Variants in EPM2A observed in about 807,000 individuals in gnomAD.
The protein encoded by EPM2A is laforin.
Under a neutral mutation model 26.5 loss-of-function variants are expected in EPM2A, and 21 were observed. The ratio of observed to expected loss-of-function variants is 0.79; its 90% CI spans 0.56 to 1.14. EPM2A has a LOEUF of 1.14. Ranked by LOEUF, EPM2A falls within the 50% of genes most tolerant of loss-of-function variation. EPM2A has a pLI of 0.00. For synonymous variants in EPM2A, 217 were observed against 177.6 expected (o/e 1.22, Z -1.76); for missense variants, 458 against 440.8 (o/e 1.04, Z -0.35).
chr6:145,473,548 C>T (rs1377059574), intron 4 of EPM2A, among the ~76,000 whole-genome samples: 7 of 151,876 alleles, frequency 4.6e-5, no homozygotes, highest in Non-Finnish European at 1.0e-4. Flanking sequence ...AATATCAATA[C>T]CCAAGTACAA....
chr6:145,590,496 C>G (rs1269857783), intron 2 of EPM2A, among the ~76,000 whole-genome samples: 1 of 151,888 alleles, frequency 6.6e-6, no homozygotes, highest in Non-Finnish European at 1.5e-5. Flanking sequence ...CCCACAGGCC[C>G]AATAAAAGAC....
chr6:145,545,991 A>G (rs1248106243), intron 2 of EPM2A, among the ~76,000 whole-genome samples: 1 of 152,116 alleles, frequency 6.6e-6, no homozygotes, highest in Non-Finnish European at 1.5e-5. Flanking sequence ...TGCTCTTATC[A>G]CATGTGCTAG....
chr6:145,458,685 T>C (rs1285955707), intron 4 of EPM2A, among the ~76,000 whole-genome samples: 1 of 152,026 alleles, frequency 6.6e-6, no homozygotes, highest in Non-Finnish European at 1.5e-5. Context: ...CATTGACCTG[T>C]CCAACCTAGT....
At chr6:145,635,700 A>C in intron 2 of EPM2A, 1 of 548,064 alleles carries the variant, frequency 1.8e-6, no homozygotes. Flanking sequence ...ATTAACTAGA[A>C]CGCCAGGAAA....
intron 2 of EPM2A, among the ~76,000 whole-genome samples, chr6:145,618,177 G>A (rs1326044043): frequency 6.6e-6 from 1 of 152,152 alleles, no homozygotes; most frequent in Non-Finnish European, 1.5e-5. Flanking sequence ...ATGCCTCAGA[G>A]AGGGTGTCTT....
chr6:145,690,764 A>C (rs913025676), intron 1 of EPM2A, among the ~76,000 whole-genome samples: 12 of 152,124 alleles, frequency 7.9e-5, no homozygotes, highest in Admixed American at 3.3e-4. Context: ...ACAAATGAAG[A>C]ATCGGAATGT....
intron 2 of EPM2A, among the ~76,000 whole-genome samples, chr6:145,645,872 T>C (rs1350688523): frequency 6.6e-6 from 1 of 152,052 alleles, no homozygotes; most frequent in Admixed American, 6.6e-5. Flanking sequence ...AGGATTATAA[T>C]AGGCGTGAGC....
intron 2 of EPM2A, among the ~76,000 whole-genome samples, chr6:145,656,083 C>G (rs1192393934): frequency 6.6e-6 from 1 of 152,160 alleles, no homozygotes; most frequent in African/African-American, 2.4e-5. Context: ...GAAGTTATAT[C>G]TTTAGTTTTC....
At chr6:145,618,836 G>C (rs1005725401) in intron 2 of EPM2A, among the ~76,000 whole-genome samples, 5 of 152,160 alleles carry the variant, frequency 3.3e-5, no homozygotes, top group African/African-American at 1.2e-4. Flanking sequence ...AGCCATTGAG[G>C]AATATTGAGC....
chr6:145,730,576 C>A (rs954616497), intron 1 of EPM2A, among the ~76,000 whole-genome samples: 2 of 152,144 alleles, frequency 1.3e-5, no homozygotes, highest in Non-Finnish European at 2.9e-5. Flanking sequence ...CTGAGAAAAG[C>A]AAATCTGAGA....
chr6:145,541,388 C>T (rs1780510184), intron 2 of EPM2A, among the ~76,000 whole-genome samples: 1 of 150,782 alleles, frequency 6.6e-6, no homozygotes, highest in African/African-American at 2.4e-5. Context: ...TGGAATAAAT[C>T]ATTAATGGTA....
chr6:145,501,986 C>T, intron 3 of EPM2A: 1 of 396,196 alleles, frequency 2.5e-6, no homozygotes, highest in Non-Finnish European at 5.1e-6. Context: ...AAGGAAGAGT[C>T]TCGAATTGAA....
intron 1 of EPM2A, among the ~76,000 whole-genome samples, chr6:145,707,566 G>A (rs1782291556): frequency 6.6e-6 from 1 of 152,106 alleles, no homozygotes. Flanking sequence ...GATAGTGAAT[G>A]AGTCTCATGA....
chr6:145,660,783 C>A (rs1300525663), intron 2 of EPM2A, among the ~76,000 whole-genome samples: 1 of 152,142 alleles, frequency 6.6e-6, no homozygotes, highest in African/African-American at 2.4e-5. Context: ...GCCTGGGAGA[C>A]AGCAAGACTC....
chr6:145,553,926 T>C (rs1239616754), intron 2 of EPM2A, among the ~76,000 whole-genome samples: 1 of 150,318 alleles, frequency 6.7e-6, no homozygotes, highest in Non-Finnish European at 1.5e-5. Context: ...CACATTGGCA[T>C]GGGCAAAGTA....
In EPM2A at chr6:145,735,344, A is replaced by T; in HGVS notation, c.155T>A (p.Leu52Gln). 1 of 1,201,514 alleles carries T rather than the reference A, an allele frequency of 8.3e-7. No individual in the cohort carries two copies. The highest frequency in any genetic ancestry group is 1.7e-5 in the South Asian group (1 of 58,944). 74.4% of individuals were successfully genotyped at this position (1,201,514 alleles called of 1,614,324 possible). A position where few individuals can be genotyped will look rare whatever the true frequency, so the allele number is the denominator to read the frequency against. The stretch of plus-strand genomic sequence containing the variant: ...CCACAGGCCCGGCTCCTGCAGGGCC[A>T]GGGCCCCGTCGCCCGCCGCGGTGCC... ...PAGTAAGDGA[L>Q]ALQEPGLWLG... The change falls in exon 1 of 4, where the codon CTG (leucine) becomes CAG (glutamine). Residue 52 changes from leucine to glutamine, a missense_variant. Coordinates refer to ENST00000367519, the MANE Select transcript of EPM2A (RefSeq NM_005670.4).
At chr6:145,576,527 A>C (rs535307301) in intron 2 of EPM2A, among the ~76,000 whole-genome samples, 49 of 152,334 alleles carry the variant, frequency 3.2e-4, no homozygotes, top group African/African-American at 1.2e-3. Context: ...AGAAACTCTC[A>C]ACTTAGAATA....
intron 2 of EPM2A, among the ~76,000 whole-genome samples, chr6:145,529,223 G>C (rs1455666884): frequency 6.6e-6 from 1 of 152,138 alleles, no homozygotes; most frequent in African/African-American, 2.4e-5. Flanking sequence ...AAATTTAGTT[G>C]ATAAATCAGT....
chr6:145,517,521 G>A (rs542042947), intron 2 of EPM2A, among the ~76,000 whole-genome samples: 4 of 152,242 alleles, frequency 2.6e-5, no homozygotes, highest in Admixed American at 2.6e-4. Context: ...TTCCCAAGAT[G>A]TTATTACTTT....
Sources: gnomAD v4.1 joint callset for allele counts (sites outside exome capture counted in the v4.1 genomes callset) on GRCh38, gnomAD v4.1.1 for gene constraint, MANE v1.5 for transcripts, NCBI Gene and HGNC (gene_info 2026-07-23, HGNC 2026-07-21) for gene names.